Variants in GBF1 observed in about 807,000 individuals in gnomAD.
The protein encoded by GBF1 is golgi brefeldin A resistant guanine nucleotide exchange factor 1.
A neutral mutation model predicts 210.5 loss-of-function variants in GBF1; 114 were observed. That is an observed-to-expected ratio of 0.54 (90% CI 0.47 to 0.63). The LOEUF (loss-of-function observed/expected upper bound fraction) is 0.63, where lower values mean the gene tolerates loss of function less well. Ranked by LOEUF, GBF1 falls within the 30% of genes least tolerant of loss-of-function variation. The pLI is 0.00. For synonymous variants in GBF1, 850 were observed against 889.2 expected (o/e 0.96, Z 0.78); for missense variants, 1,851 against 2,357.7 (o/e 0.79, Z 4.45).
intron 39 of GBF1, 96 bp downstream of exon 39, chr10:102,381,351 C>A: frequency 1.5e-6 from 2 of 1,310,738 alleles, no homozygotes; most frequent in Non-Finnish European, 2.1e-6. Context: ...TGAGCAGGGT[C>A]TGTGAGCCGA....
chr10:102,285,299 T>G (rs1234635364), intron 3 of GBF1, among the ~76,000 whole-genome samples: 3 of 152,248 alleles, frequency 2.0e-5, no homozygotes, highest in African/African-American at 7.2e-5. Flanking sequence ...TCTTGCTGAC[T>G]ATACAGGTAG....
At chr10:102,351,429 C>T (rs1002107816) in intron 5 of GBF1, 55 bp downstream of exon 5, 3 of 924,970 alleles carry the variant, frequency 3.2e-6, no homozygotes, top group South Asian at 1.3e-5. Context: ...GTGCCGCAGA[C>T]TCTACTTACT....
In GBF1 at chr10:102,358,269, C is replaced by G. The variant is rs182067665; in HGVS notation, c.787+83C>G. The stretch of plus-strand genomic sequence containing the variant: ...AGGGATTTTGAAATTGAAGACCAAC[C>G]AACTGAGGGGCTTTGGTCTTGGCGC... On this transcript the variant is annotated intron_variant, in intron 9 of 39. Coordinates refer to ENST00000369983, the MANE Select transcript of GBF1 (RefSeq NM_001377137.1). 1.4e-4 allele frequency: 171 copies of G among 1,246,992 alleles called. 2 individuals carry two copies. The East Asian group carries it at 3.5e-3, about 26-fold the overall frequency. 77.2% of individuals were successfully genotyped at this position (1,246,992 alleles called of 1,614,324 possible).
chr10:102,330,759 G>A (rs2057278930), intron 3 of GBF1, among the ~76,000 whole-genome samples: 1 of 152,084 alleles, frequency 6.6e-6, no homozygotes, highest in Non-Finnish European at 1.5e-5. Context: ...TTGTTGTTCT[G>A]GCAATGAAAT....
chr10:102,375,604 G>T lies in GBF1; in HGVS notation c.3886+20G>T. On this transcript the variant is annotated intron_variant, in intron 30 of 39. Transcript: ENST00000369983. ...ATGCCGGTAAGCCCTTTCCCAGGGA[G>T]ACTCAGGCTGGCAGATAAACAGTTA... The T allele has an allele frequency of 6.6e-7, 1 of 1,504,234 alleles. No individual in the cohort carries two copies. Among genetic ancestry groups the T allele is most frequent in the Non-Finnish European group, 9.2e-7 (1 of 1,082,342 alleles). The allele number at this position is 1,504,234 out of a possible 1,614,324, so 93.2% of individuals were successfully genotyped here.
chr10:102,367,501 T>C lies in GBF1; in HGVS notation c.2583T>C (p.Gly861=). The change falls in exon 21 of 40, where the codon GGT becomes GGC. Residue 861 remains glycine, a synonymous_variant. Transcript: ENST00000369983. ...AGGAGTTTCGCAAAAATCTGAAAGG[T>C]GTGAATGGAGGCAAGGACTTTGAGC... ...TLEEFRKNLK[G]VNGGKDFEQD... 6.2e-7 allele frequency: 1 copy of C among 1,610,488 alleles called. No individual in the cohort carries two copies. Among genetic ancestry groups the C allele is most frequent in the Non-Finnish European group, 8.5e-7 (1 of 1,176,782 alleles).
intron 1 of GBF1, among the ~76,000 whole-genome samples, chr10:102,248,767 G>A (rs547539998): frequency 2.0e-5 from 3 of 152,092 alleles, no homozygotes; most frequent in African/African-American, 7.2e-5. Flanking sequence ...CCCAAGTAGC[G>A]GGGAACACAG....
Position 102,382,448 on chromosome 10 carries a change from C to A in GBF1, c.*112C>A. 2.2e-6 allele frequency: 2 copies of A among 908,672 alleles called. No homozygotes were observed. Among genetic ancestry groups the A allele is most frequent in the East Asian group, 2.6e-5 (1 of 38,592 alleles). The allele number at this position is 908,672 out of a possible 1,614,324, so 56.3% of individuals were successfully genotyped here. A position where few individuals can be genotyped will look rare whatever the true frequency, so the allele number is the denominator to read the frequency against. ...TCAGGCCAAGTCAGAGCTGCTGTTG[C>A]TGCCACTTGGATGGGGACCTGAAAA... is the stretch of plus-strand genomic sequence containing the variant. On this transcript the variant is annotated 3_prime_UTR_variant, in exon 40 of 40. Transcript: ENST00000369983.
intron 3 of GBF1, among the ~76,000 whole-genome samples, chr10:102,323,239 GAAAA>G (rs775888621): frequency 2.4e-4 from 16 of 65,848 alleles, no homozygotes; most frequent in Non-Finnish European, 3.9e-4. Context: ...CTCCAAAATT[GAAAA>G]AAAAAAAAAA....
chr10:102,381,358 C>A, intron 39 of GBF1, 103 bp downstream of exon 39: 4 of 1,230,276 alleles, frequency 3.3e-6, no homozygotes, highest in Non-Finnish European at 4.6e-6. Context: ...GGTCTGTGAG[C>A]CGAGGGAAGA....
At chr10:102,245,387 C>T (rs964917765), upstream of GBF1, 1 of 152,292 alleles carries the variant, frequency 6.6e-6, no homozygotes, top group South Asian at 2.1e-4. Flanking sequence ...TGTAATCGCG[C>T]TTCTTTAGGC....
chr10:102,336,853 T>G (rs2057780896), intron 3 of GBF1, among the ~76,000 whole-genome samples: 1 of 152,188 alleles, frequency 6.6e-6, no homozygotes, highest in African/African-American at 2.4e-5. Flanking sequence ...TCAAAAATTA[T>G]GACTTATTTT....
intron 37 of GBF1, 62 bp downstream of exon 37, chr10:102,380,424 T>G: frequency 6.3e-7 from 1 of 1,581,966 alleles, no homozygotes; most frequent in South Asian, 1.1e-5. Flanking sequence ...GACTTGCCCT[T>G]TCCCCCTTGG....
At chr10:102,358,351 G>T (rs2059407558) in intron 9 of GBF1, among the ~76,000 whole-genome samples, 155 bp from the exon 10 acceptor site, 1 of 152,232 alleles carries the variant, frequency 6.6e-6, no homozygotes, top group Admixed American at 6.5e-5. Flanking sequence ...CAGCAACTAT[G>T]CAGTGACTTA....
At chr10:102,312,300 A>G (rs1284946405) in intron 3 of GBF1, among the ~76,000 whole-genome samples, 2 of 151,788 alleles carry the variant, frequency 1.3e-5, no homozygotes, top group Non-Finnish European at 2.9e-5. Context: ...TCTCAGAAAA[A>G]AAAAAAAAAA....
At chr10:102,301,272 A>G (rs1388658439) in intron 3 of GBF1, among the ~76,000 whole-genome samples, 1 of 152,200 alleles carries the variant, frequency 6.6e-6, no homozygotes, top group Non-Finnish European at 1.5e-5. Flanking sequence ...GACACAGCAC[A>G]TGTTTCAGAG....
rs761732254 is a variant in GBF1, at chr10:102,382,286, C to G, written c.5533C>G (p.Leu1845Val). The part of the protein sequence containing the change: ...LIEATSPVPL[L>V]ATPRPTDPIP... ...CGAGGCCACCTCACCAGTGCCCCTC[C>G]TGGCCACACCCCGCCCCACAGATCC... The change falls in exon 40 of 40, where the codon CTG becomes GTG. Residue 1845 changes from leucine to valine, a missense_variant. Transcript: ENST00000369983. 1 of 1,613,960 alleles carries G rather than the reference C, an allele frequency of 6.2e-7. No homozygotes were observed. Among genetic ancestry groups the G allele is most frequent in the Admixed American group, 1.7e-5 (1 of 60,004 alleles).
intron 3 of GBF1, among the ~76,000 whole-genome samples, chr10:102,270,968 C>T (rs2074351409): frequency 6.6e-6 from 1 of 152,074 alleles, no homozygotes; most frequent in African/African-American, 2.4e-5. Flanking sequence ...GCCTCAGCCT[C>T]CTGAGTAGCT....
At chr10:102,242,799 G>C (rs2070571387), upstream of GBF1, among the ~76,000 whole-genome samples, 1 of 152,004 alleles carries the variant, frequency 6.6e-6, no homozygotes. Flanking sequence ...CTTGGTGGCG[G>C]GTGCCTGTAG....
Sources: allele counts gnomAD v4.1 joint callset (sites outside exome capture counted in the v4.1 genomes callset), GRCh38; gene constraint gnomAD v4.1.1; transcripts MANE v1.5; gene names NCBI Gene and HGNC (gene_info 2026-07-23, HGNC 2026-07-21).